Variants in TTC9 observed in about 807,000 individuals in gnomAD.
TTC9 encodes the protein tetratricopeptide repeat domain 9, also known as tetratricopeptide repeat protein 9A.
TTC9 carries 13 observed loss-of-function variants against 22.9 expected under a neutral mutation model. The ratio of observed to expected loss-of-function variants is 0.57; its 90% CI spans 0.37 to 0.90. TTC9 has a LOEUF of 0.90. TTC9 is among the 40% of genes least tolerant of loss of function. The pLI is 0.01. For missense variants in TTC9, 280 were observed against 291.8 expected (o/e 0.96, Z 0.29); for synonymous variants, 148 against 133.2 (o/e 1.11, Z -0.77).
At chr14:70,659,914 C>T (rs1250160764) in intron 1 of TTC9, among the ~76,000 whole-genome samples, 1 of 152,128 alleles carries the variant, frequency 6.6e-6, no homozygotes, top group African/African-American at 2.4e-5. Flanking sequence ...CTTCCTAGGG[C>T]CTCCATTTTC....
chr14:70,663,687 C>G (rs894382633), intron 1 of TTC9, among the ~76,000 whole-genome samples: 2 of 152,120 alleles, frequency 1.3e-5, no homozygotes, highest in African/African-American at 4.8e-5. Context: ...GCCCTCCCTG[C>G]CCATCTGTTA....
In TTC9 at chr14:70,665,240, G is replaced by A. The variant is rs1205234; in HGVS notation, c.407-2324G>A. ...TCAGAGAGGACTTCAGGCAGGGAGCGTGGAAGCTGTGGACAGGACAGCTTT... is the reference window on the plus strand; with the variant it reads ...TCAGAGAGGACTTCAGGCAGGGAGCATGGAAGCTGTGGACAGGACAGCTTT... On this transcript the variant is annotated intron_variant, in intron 1 of 2. Coordinates refer to ENST00000256367, the MANE Select transcript of TTC9 (RefSeq NM_015351.2). 3.2e-3 allele frequency among the ~76,000 whole-genome samples: 493 copies of A among 152,326 alleles called. 9 individuals carry two copies. The East Asian group carries it at 0.065, about 20-fold the overall frequency.
intron 1 of TTC9, among the ~76,000 whole-genome samples, chr14:70,643,013 C>A (rs1429404888): frequency 1.3e-5 from 2 of 152,226 alleles, no homozygotes; most frequent in Non-Finnish European, 2.9e-5. Context: ...GTAAGATCTT[C>A]CCCAAGTTTT....
intron 1 of TTC9, among the ~76,000 whole-genome samples, chr14:70,646,414 A>G (rs893605165): frequency 1.3e-5 from 2 of 152,204 alleles, no homozygotes; most frequent in Non-Finnish European, 2.9e-5. Context: ...GGGCCTTGGA[A>G]TGTTCAGTGT....
chr14:70,647,928 G>A (rs987336140), intron 1 of TTC9, among the ~76,000 whole-genome samples: 3 of 152,176 alleles, frequency 2.0e-5, no homozygotes, highest in Non-Finnish European at 2.9e-5. Context: ...ATACATCTGA[G>A]GTGGACAAAA....
chr14:70,666,505 A>G lies in TTC9; in HGVS notation c.407-1059A>G, dbSNP rs75823680. Reference sequence around the variant, plus strand: ...AGATGTTACTGGTACAAGACTAAAAAGAATTCTAAGAATGTTAACTAACAT... The same window carrying G: ...AGATGTTACTGGTACAAGACTAAAAGGAATTCTAAGAATGTTAACTAACAT... On this transcript the variant is annotated intron_variant, in intron 1 of 2. Transcript: ENST00000256367. 3.7e-3 allele frequency among the ~76,000 whole-genome samples: 568 copies of G among 152,360 alleles called. 2 individuals are homozygous for G. Among genetic ancestry groups the G allele is most frequent in the Middle Eastern group, 0.014 (4 of 294 alleles).
rs11846247 is a variant in TTC9, at chr14:70,662,796, A to G, written c.407-4768A>G. On this transcript the variant is annotated intron_variant, in intron 1 of 2. Coordinates refer to ENST00000256367, the MANE Select transcript of TTC9 (RefSeq NM_015351.2). Reference sequence around the variant, plus strand: ...TCTTTAAAATACCGATGCATGCCAAATGGCAGAGTATAGAGACTGTGACAT... The same window carrying G: ...TCTTTAAAATACCGATGCATGCCAAGTGGCAGAGTATAGAGACTGTGACAT... Among the ~76,000 whole-genome samples, 555 of 152,362 alleles carry G rather than the reference A, an allele frequency of 3.6e-3. 3 individuals carry two copies. Among genetic ancestry groups the G allele is most frequent in the African/African-American group, 0.013 (532 of 41,586 alleles).
At chr14:70,655,370 C>T (rs1030068418) in intron 1 of TTC9, among the ~76,000 whole-genome samples, 8 of 151,284 alleles carry the variant, frequency 5.3e-5, no homozygotes, top group Non-Finnish European at 1.2e-4. Flanking sequence ...CTCCAAGCGT[C>T]GCTTGGGCGA....
chr14:70,646,797 C>G (rs1471201814), intron 1 of TTC9, among the ~76,000 whole-genome samples: 1 of 152,072 alleles, frequency 6.6e-6, no homozygotes, highest in East Asian at 1.9e-4. Flanking sequence ...GTGGCAAGGC[C>G]TAGAAGGAAG....
At chr14:70,660,517 G>T (rs1351455228) in intron 1 of TTC9, among the ~76,000 whole-genome samples, 3 of 152,208 alleles carry the variant, frequency 2.0e-5, no homozygotes, top group Non-Finnish European at 2.9e-5. Flanking sequence ...CCAGCACTGT[G>T]AGAAGCATGT....
chr14:70,671,269 C>T lies in TTC9; in HGVS notation c.*114C>T. The T allele has an allele frequency of 1.2e-6, 1 of 846,772 alleles. No homozygotes were observed. The highest frequency in any genetic ancestry group is 2.8e-5 in the East Asian group (1 of 35,808). The allele number at this position is 846,772 out of a possible 1,614,324, so 52.5% of individuals were successfully genotyped here. On this transcript the variant is annotated 3_prime_UTR_variant, in exon 3 of 3. Transcript: ENST00000256367. ...TTTCTCCCCACTTCTTCTGGCTCCT[C>T]ATTTTTCCTCCTGTTGCACCCCAGC...
At chr14:70,658,824 A>C (rs1008384773) in intron 1 of TTC9, among the ~76,000 whole-genome samples, 1 of 152,206 alleles carries the variant, frequency 6.6e-6, no homozygotes, top group African/African-American at 2.4e-5. Context: ...TCAGCAGATG[A>C]ATGGGTAAAC....
intron 1 of TTC9, among the ~76,000 whole-genome samples, chr14:70,665,822 C>T (rs933532239): frequency 6.6e-6 from 1 of 152,248 alleles, no homozygotes; most frequent in African/African-American, 2.4e-5. Context: ...CGTTAGACCC[C>T]TGAAGATTGA....
rs1886185820 is a variant in TTC9, at chr14:70,664,507, C to CTTTGGGAGG, written c.407-3057_407-3056insTTTGGGAGG. On this transcript the variant is annotated intron_variant, in intron 1 of 2. Coordinates refer to ENST00000256367, the MANE Select transcript of TTC9 (RefSeq NM_015351.2). ...TTGGGAGGCTGAGGCAGGCAGATCA[C>CTTTGGGAGG]CAGAGGTCAGGAGTTCGAGACCAGC... is the stretch of plus-strand genomic sequence containing the variant. Among the ~76,000 whole-genome samples the CTTTGGGAGG allele has an allele frequency of 2.0e-5, 3 of 152,200 alleles. No homozygotes were observed. The East Asian group carries it at 5.8e-4, about 29-fold the overall frequency.
intron 1 of TTC9, among the ~76,000 whole-genome samples, chr14:70,663,635 G>A (rs1886173723): frequency 6.6e-6 from 1 of 151,648 alleles, no homozygotes; most frequent in African/African-American, 2.4e-5. Context: ...GTCCTTCATA[G>A]CAGTTAGCCC....
At position 70,671,243 on chromosome 14, in the gene TTC9, C is replaced by G; in HGVS notation, c.*88C>G. On this transcript the variant is annotated 3_prime_UTR_variant, in exon 3 of 3. Transcript: ENST00000256367. Reference sequence around the variant, plus strand: ...GAGAGCCCCGTCCTGGATTCTGTCCCTTTCTCCCCACTTCTTCTGGCTCCT... The same window carrying G: ...GAGAGCCCCGTCCTGGATTCTGTCCGTTTCTCCCCACTTCTTCTGGCTCCT... The G allele has an allele frequency of 9.0e-7, 1 of 1,112,916 alleles. No homozygotes were observed. Among genetic ancestry groups the G allele is most frequent in the Non-Finnish European group, 1.3e-6 (1 of 757,902 alleles). 68.9% of individuals were successfully genotyped at this position (1,112,916 alleles called of 1,614,324 possible).
chr14:70,671,039 A>G, intron 2 of TTC9, 37 bp from the exon 3 acceptor site: 3 of 1,591,138 alleles, frequency 1.9e-6, no homozygotes, highest in Non-Finnish European at 1.7e-6. Flanking sequence ...AGTTGCCCTC[A>G]CCTGGTGTTC....
intron 1 of TTC9, among the ~76,000 whole-genome samples, chr14:70,643,075 C>A (rs912315016): frequency 6.6e-6 from 1 of 152,242 alleles, no homozygotes; most frequent in Non-Finnish European, 1.5e-5. Context: ...GCATCTTGAG[C>A]AAAATGGATT....
chr14:70,656,246 C>CAT (rs1555362143), intron 1 of TTC9, among the ~76,000 whole-genome samples: 53 of 140,170 alleles, frequency 3.8e-4, no homozygotes, highest in African/African-American at 1.3e-3. Context: ...CACACACACA[C>CAT]ATTTATTTTT....
Sources: gnomAD v4.1 joint callset for allele counts (sites outside exome capture counted in the v4.1 genomes callset) on GRCh38, gnomAD v4.1.1 for gene constraint, MANE v1.5 for transcripts, NCBI Gene and HGNC (gene_info 2026-07-23, HGNC 2026-07-21) for gene names.